The following FBXO42 variants were observed in gnomAD, a reference collection of about 807,000 sequenced individuals.
FBXO42 encodes F-box only protein 42.
In FBXO42, 12 loss-of-function variants were observed where a neutral mutation model predicts 71.7. That is an observed-to-expected ratio of 0.17 (90% CI 0.11 to 0.27). FBXO42 has a LOEUF of 0.27. Ranked by LOEUF, FBXO42 falls within the 10% of genes least tolerant of loss-of-function variation. The probability of loss-of-function intolerance (pLI) is 1.00; values close to 1 mark genes in which losing one functional copy is unlikely to be tolerated. For missense variants in FBXO42, 707 were observed against 911.9 expected (o/e 0.78, Z 2.89); for synonymous variants, 325 against 327.5 (o/e 0.99, Z 0.08).
chr1:16,250,886 C>T lies in FBXO42; in HGVS notation c.1938G>A (p.Met646Ile), dbSNP rs2081584196. 42 of 1,614,048 alleles carry T rather than the reference C, an allele frequency of 2.6e-5. No individual in the cohort carries two copies. The highest frequency in any genetic ancestry group is 3.5e-5 in the Non-Finnish European group (41 of 1,180,052). ...TGGTGTCTTTAATGTCCAGCACGTACATCTGCATGGGCTTGCAGTTCATAC... is the reference window on the plus strand; with the variant it reads ...TGGTGTCTTTAATGTCCAGCACGTATATCTGCATGGGCTTGCAGTTCATAC... ...YQSMNCKPMQ[M>I]YVLDIKDTKE... The change falls in exon 10 of 10, where the codon ATG (methionine) becomes ATA (isoleucine). Residue 646 changes from methionine (M) to isoleucine (I), a missense_variant. Met to Ile is a conservative substitution (Grantham distance 10, BLOSUM62 1). Coordinates refer to ENST00000375592, the MANE Select transcript of FBXO42 (RefSeq NM_018994.3). This position sits in a 1 kb window ranked among gnomAD's most constrained non-coding sequence, Gnocchi z 4.7.
rs1415058368 is a variant in FBXO42, at chr1:16,249,913, C to G, written c.*757G>C. On this transcript the variant is annotated 3_prime_UTR_variant, in exon 10 of 10. Coordinates refer to ENST00000375592, the MANE Select transcript of FBXO42 (RefSeq NM_018994.3). ...AAATATGTTTTTTGGCAACTTGCCA[C>G]CAAATATGATTGATTGTCAGAAATT... The G allele has an allele frequency of 6.6e-6, 1 of 152,138 alleles. No individual in the cohort carries two copies. Among genetic ancestry groups the G allele is most frequent in the Non-Finnish European group, 1.5e-5 (1 of 68,008 alleles). 9.4% of individuals were successfully genotyped at this position (152,138 alleles called of 1,614,324 possible). A position where few individuals can be genotyped will look rare whatever the true frequency, so the allele number is the denominator to read the frequency against.
At chr1:16,339,438 G>A (rs1042553766) in intron 1 of FBXO42, among the ~76,000 whole-genome samples, 4 of 151,934 alleles carry the variant, frequency 2.6e-5, no homozygotes, top group South Asian at 2.1e-4. Context: ...TCAGCCTCCC[G>A]AGTAGCTGGG....
intron 1 of FBXO42, among the ~76,000 whole-genome samples, chr1:16,329,514 G>T (rs1027651143): frequency 1.3e-5 from 2 of 151,920 alleles, no homozygotes; most frequent in African/African-American, 4.8e-5. Context: ...AACCAAAGAG[G>T]CAGAGGTTGC....
chr1:16,283,528 C>T lies in FBXO42; in HGVS notation c.502+11255G>A, dbSNP rs980695457. 1.7e-4 allele frequency among the ~76,000 whole-genome samples: 9 copies of T among 51,692 alleles called. No individual in the cohort carries two copies. The East Asian group carries it at 5.9e-3, about 34-fold the overall frequency. The allele number at this position is 51,692 out of a possible 152,430, so 33.9% of individuals were successfully genotyped here. ...TTTTTTTTTTTTTTTGAGACAGTCT[C>T]GCTCTGTCGCCCAGGCTGGAGTGCA... is the stretch of plus-strand genomic sequence containing the variant. On this transcript the variant is annotated intron_variant, in intron 4 of 9. Transcript: ENST00000375592.
chr1:16,304,694 C>T (rs1473282308), intron 3 of FBXO42, among the ~76,000 whole-genome samples: 3 of 152,032 alleles, frequency 2.0e-5, no homozygotes, highest in African/African-American at 4.8e-5. Flanking sequence ...GAGGGCTGGG[C>T]GCGGTGGCTC....
chr1:16,269,389 T>C (rs1569833532), intron 4 of FBXO42, among the ~76,000 whole-genome samples: 1 of 127,724 alleles, frequency 7.8e-6, no homozygotes, highest in African/African-American at 3.6e-5. Flanking sequence ...GAACCCAGAC[T>C]TTTTTTTTTT....
intron 4 of FBXO42, among the ~76,000 whole-genome samples, chr1:16,275,198 A>C (rs1158113482): frequency 2.0e-5 from 3 of 152,248 alleles, no homozygotes; most frequent in Non-Finnish European, 4.4e-5. Context: ...GAGAAGACAA[A>C]AAAGGGACAC....
chr1:16,278,128 G>A (rs183870583), intron 4 of FBXO42, among the ~76,000 whole-genome samples: 4 of 152,008 alleles, frequency 2.6e-5, no homozygotes, highest in Admixed American at 2.0e-4. Flanking sequence ...AGGCCGAGGC[G>A]GGCGGATCAC....
rs1471346885 is a variant in FBXO42 at position 16,290,742 on chromosome 1, C to T, written c.502+4041G>A. 2.6e-5 allele frequency among the ~76,000 whole-genome samples: 4 copies of T among 151,308 alleles called. No homozygotes were observed. In the East Asian group the frequency reaches 7.8e-4, roughly 30 times the overall value. ...TCACTCTCTGCTACATGAAAACACA[C>T]TGAGAAGGTGGCAGTCTGCAAACCA... On this transcript the variant is annotated intron_variant, in intron 4 of 9. Transcript: ENST00000375592.
chr1:16,351,781 G>A (rs550312728), intron 1 of FBXO42, among the ~76,000 whole-genome samples: 3 of 152,178 alleles, frequency 2.0e-5, no homozygotes, highest in African/African-American at 4.8e-5. Flanking sequence ...AAGGCCTTTT[G>A]TGTTTTATTT....
chr1:16,311,977 A>C (rs898413385), intron 2 of FBXO42, among the ~76,000 whole-genome samples: 1 of 152,146 alleles, frequency 6.6e-6, no homozygotes, highest in African/African-American at 2.4e-5. Flanking sequence ...ATGCCCTTTC[A>C]GTAAGTGAAT....
At chr1:16,264,541 T>A (rs910011981) in intron 4 of FBXO42, among the ~76,000 whole-genome samples, 1 of 152,210 alleles carries the variant, frequency 6.6e-6, no homozygotes, top group Non-Finnish European at 1.5e-5. Context: ...TGAGTTCCCA[T>A]CAAGCACGAC....
rs772917474 is a variant in FBXO42 at position 16,253,719 on chromosome 1, G to C, written c.780C>G (p.Val260=). ...CCCACTGCTCAAGGTCAAGGACCCA[G>C]ACATCATTGCTCCTGTGAATTAAGG... ...SLGSRQMSND[V]WVLDLEQWAW... is the part of the protein sequence containing the mutation. Residue 260 remains valine (V), a synonymous_variant, in exon 7 of 10, where the codon GTC becomes GTG. Coordinates refer to ENST00000375592, the MANE Select transcript of FBXO42 (RefSeq NM_018994.3). 1 of 1,614,168 alleles carries C rather than the reference G, an allele frequency of 6.2e-7. No homozygotes were observed. The highest frequency in any genetic ancestry group is 1.1e-5 in the South Asian group (1 of 91,068).
At chr1:16,314,590 T>C (rs1302661467) in intron 2 of FBXO42, among the ~76,000 whole-genome samples, 2 of 152,212 alleles carry the variant, frequency 1.3e-5, no homozygotes, top group Non-Finnish European at 2.9e-5. Context: ...ATTACTATTA[T>C]CCCATATCCA....
intron 1 of FBXO42, among the ~76,000 whole-genome samples, chr1:16,333,493 C>G (rs1279645920): frequency 1.4e-5 from 2 of 147,526 alleles, no homozygotes; most frequent in Non-Finnish European, 3.0e-5. Flanking sequence ...TGGTGTGCAC[C>G]TGTAGTCCCA....
chr1:16,287,298 G>C lies in FBXO42; in HGVS notation c.502+7485C>G, dbSNP rs556765361. On this transcript the variant is annotated intron_variant, in intron 4 of 9. Transcript: ENST00000375592. ...CACTTCTTGTACCCATCAAGTCCTTGTTCTAATGTCGCCTTCTCTCTGATT... is the reference window on the plus strand; with the variant it reads ...CACTTCTTGTACCCATCAAGTCCTTCTTCTAATGTCGCCTTCTCTCTGATT... 2.0e-4 allele frequency among the ~76,000 whole-genome samples: 31 copies of C among 151,914 alleles called. No homozygotes were observed. In the South Asian group the frequency reaches 5.6e-3, roughly 27 times the overall value.
At chr1:16,321,671 C>A (rs1234241578) in intron 1 of FBXO42, among the ~76,000 whole-genome samples, 2 of 151,000 alleles carry the variant, frequency 1.3e-5, no homozygotes, top group South Asian at 4.2e-4. Context: ...ACTCAGAACA[C>A]CTTTGTGCTG....
rs1279722766 is a variant in FBXO42 at position 16,315,249 on chromosome 1, T to C, written c.170A>G (p.Tyr57Cys). 1 of 1,614,180 alleles carries C rather than the reference T, an allele frequency of 6.2e-7. No homozygotes were observed. The highest frequency in any genetic ancestry group is 8.5e-7 in the Non-Finnish European group (1 of 1,180,022). ...ATACGGTGAGAGAAAGGACAGGATA[T>C]ACTCCAAAACCTCTTCTGGCAGCTC... ...MSELPEEVLE[Y>C]ILSFLSPYQE... Residue 57 changes from tyrosine (Y) to cysteine (C), a missense_variant, in exon 2 of 10, where the codon TAT becomes TGT. Tyr to Cys is a radical substitution (Grantham distance 194). This residue lies in a region of FBXO42 where 188 missense variants were observed against 230.5 expected (regional missense o/e 0.82). Coordinates refer to ENST00000375592, the MANE Select transcript of FBXO42 (RefSeq NM_018994.3).
In FBXO42 at chr1:16,311,525, T is replaced by C. The variant is rs990288847; in HGVS notation, c.250+3644A>G. On this transcript the variant is annotated intron_variant, in intron 2 of 9. Coordinates refer to ENST00000375592, the MANE Select transcript of FBXO42 (RefSeq NM_018994.3). ...AAAAATATATATATATATATATATATATACATATGTATATATAAAATAAAA... is the reference window on the plus strand; with the variant it reads ...AAAAATATATATATATATATATATACATACATATGTATATATAAAATAAAA... Among the ~76,000 whole-genome samples, 610 of 143,372 alleles carry C rather than the reference T, an allele frequency of 4.3e-3. 8 individuals carry two copies. The highest frequency in any genetic ancestry group is 0.015 in the African/African-American group (585 of 38,932). The allele number at this position is 143,372 out of a possible 152,430, so 94.1% of individuals were successfully genotyped here. A position where few individuals can be genotyped will look rare whatever the true frequency, so the allele number is the denominator to read the frequency against.
Sources: gnomAD v4.1 joint callset for allele counts (sites outside exome capture counted in the v4.1 genomes callset) on GRCh38, gnomAD v4.1.1 for gene constraint, gnomAD v4.1.1 regional missense constraint, Gnocchi (gnomAD v3.1) non-coding constraint, MANE v1.5 for transcripts, NCBI Gene and HGNC (gene_info 2026-07-23, HGNC 2026-07-21) for gene names.